RIN2: variants seen among roughly 807,000 people sequenced by gnomAD.
The protein encoded by RIN2 is RAB5 interacting protein 2.
RIN2 carries 36 observed loss-of-function variants against 78.0 expected under a neutral mutation model. The ratio of observed to expected loss-of-function variants is 0.46; its 90% CI spans 0.35 to 0.61. The LOEUF is 0.61. Ranked by LOEUF, RIN2 falls within the 20% of genes least tolerant of loss-of-function variation. RIN2 has a pLI of 0.00. For missense variants in RIN2, 1,087 were observed against 1,159.7 expected (o/e 0.94, Z 0.91); for synonymous variants, 466 against 466.8 (o/e 1.00, Z 0.02).
chr20:19,776,248 ACAT>A (rs2034305998), intron 1 of RIN2, among the ~76,000 whole-genome samples: 1 of 152,166 alleles, frequency 6.6e-6, no homozygotes, highest in Non-Finnish European at 1.5e-5. Flanking sequence ...ACCAACATTA[ACAT>A]CAACACAGAA....
At chr20:19,822,262 A>G (rs1031302396) in intron 2 of RIN2, among the ~76,000 whole-genome samples, 39 of 152,150 alleles carry the variant, frequency 2.6e-4, no homozygotes, top group African/African-American at 8.4e-4. Flanking sequence ...AGAAATGCCT[A>G]CATCTGAACA....
At chr20:19,860,432 G>T (rs1308437187) in intron 2 of RIN2, among the ~76,000 whole-genome samples, 1 of 151,920 alleles carries the variant, frequency 6.6e-6, no homozygotes, top group Non-Finnish European at 1.5e-5. Flanking sequence ...CAACTCCCCT[G>T]CTTCAGCCTC....
chr20:19,827,699 G>A (rs540502748), intron 2 of RIN2, among the ~76,000 whole-genome samples: 22 of 152,180 alleles, frequency 1.4e-4, no homozygotes, highest in African/African-American at 4.8e-4. Context: ...ATCCAGTCCC[G>A]CTTTTTAATG....
chr20:19,812,226 A>T (rs2035627328), intron 2 of RIN2, among the ~76,000 whole-genome samples: 1 of 152,156 alleles, frequency 6.6e-6, no homozygotes, highest in Non-Finnish European at 1.5e-5. Context: ...TCTTGAGTAA[A>T]TACCTATGAG....
chr20:19,866,695 G>T (rs2037518898), intron 2 of RIN2, among the ~76,000 whole-genome samples: 1 of 152,176 alleles, frequency 6.6e-6, no homozygotes, highest in South Asian at 2.1e-4. Context: ...CATGATCTCA[G>T]CTCACTGCAA....
At chr20:19,896,281 C>G (rs1568582835) in intron 3 of RIN2, among the ~76,000 whole-genome samples, 5 of 152,134 alleles carry the variant, frequency 3.3e-5, no homozygotes. Flanking sequence ...CTCCGGCTCC[C>G]AGGTTCAATC....
intron 3 of RIN2, among the ~76,000 whole-genome samples, chr20:19,902,325 G>C (rs1175682836): frequency 6.6e-6 from 1 of 152,104 alleles, no homozygotes; most frequent in African/African-American, 2.4e-5. Context: ...TGAGACTCAG[G>C]CAGTCTCTCC....
chr20:19,817,491 G>T (rs893949873), intron 2 of RIN2, among the ~76,000 whole-genome samples: 1 of 151,856 alleles, frequency 6.6e-6, no homozygotes, highest in African/African-American at 2.4e-5. Context: ...TGGGGATTCG[G>T]TTTCAATGTA....
intron 8 of RIN2, among the ~76,000 whole-genome samples, chr20:19,971,990 C>A (rs1024410733): frequency 2.6e-5 from 4 of 152,154 alleles, no homozygotes; most frequent in African/African-American, 9.7e-5. Context: ...GATCCACCCG[C>A]TTTGGTATCC....
At chr20:19,817,880 C>G (rs74799050) in intron 2 of RIN2, among the ~76,000 whole-genome samples, 3,043 of 152,282 alleles carry the variant, frequency 0.02, 82 homozygotes, top group East Asian at 0.099. Context: ...ATATACTCAT[C>G]ATCATTCATC....
intron 2 of RIN2, among the ~76,000 whole-genome samples, chr20:19,835,410 T>A (rs1005768924): frequency 1.7e-4 from 26 of 152,214 alleles, no homozygotes; most frequent in Non-Finnish European, 2.9e-5. Flanking sequence ...TCATTAAAAT[T>A]TTTTGAGGGC....
intron 2 of RIN2, among the ~76,000 whole-genome samples, chr20:19,861,557 A>ATGC (rs1213468882): frequency 6.0e-5 from 9 of 149,802 alleles, no homozygotes; most frequent in African/African-American, 2.0e-4. Flanking sequence ...TCCTTATCTG[A>ATGC]TCACCCTCCA....
intron 2 of RIN2, among the ~76,000 whole-genome samples, chr20:19,815,968 A>G (rs1039448528): frequency 6.6e-6 from 1 of 152,262 alleles, no homozygotes; most frequent in African/African-American, 2.4e-5. Flanking sequence ...GTTGAAAAAG[A>G]TAAACGTCTT....
intron 3 of RIN2, among the ~76,000 whole-genome samples, chr20:19,902,524 G>A (rs926672008): frequency 6.6e-6 from 1 of 152,152 alleles, no homozygotes; most frequent in African/African-American, 2.4e-5. Flanking sequence ...GCCACCAGGA[G>A]GACATCCTTC....
chr20:19,808,716 G>A (rs530052266), intron 2 of RIN2, among the ~76,000 whole-genome samples: 4 of 152,296 alleles, frequency 2.6e-5, no homozygotes, highest in South Asian at 2.1e-4. Flanking sequence ...CTGGAGCCAC[G>A]GAAGGCCTGC....
intron 1 of RIN2, among the ~76,000 whole-genome samples, chr20:19,763,308 A>G (rs1428229553): frequency 6.6e-6 from 1 of 152,130 alleles, no homozygotes; most frequent in Non-Finnish European, 1.5e-5. Flanking sequence ...GAATCCCCTG[A>G]ACCCGGGAGG....
intron 6 of RIN2, 44 bp downstream of exon 6, chr20:19,960,855 G>T: frequency 8.0e-7 from 1 of 1,257,224 alleles, no homozygotes; most frequent in African/African-American, 1.5e-5. Context: ...ACAGGGCCAC[G>T]GGGCTCTGCA....
Position 19,960,765 on chromosome 20 carries a change from A to T in RIN2, c.417A>T (p.Glu139Asp). The T allele has an allele frequency of 6.2e-7, 1 of 1,604,558 alleles. No homozygotes were observed. The highest frequency in any genetic ancestry group is 8.5e-7 in the Non-Finnish European group (1 of 1,175,664). The part of the protein sequence containing the change: ...KKVLSLRLPC[E>D]FGAPLKEFAI... ...TCCTCTCCCTCCGCCTGCCCTGTGA[A>T]TTTGGGGCCCCACTCAAGGAATTTG... The change falls in exon 6 of 13, where the codon GAA becomes GAT. Residue 139 changes from glutamate (E) to aspartate (D), a missense_variant. Physicochemically the swap from Glu to Asp is conservative, Grantham distance 45. This residue lies in a region of RIN2 where 706 missense variants were observed against 667.5 expected (regional missense o/e 1.06). Transcript: ENST00000255006.
intron 2 of RIN2, among the ~76,000 whole-genome samples, chr20:19,878,780 G>A (rs955374677): frequency 2.0e-5 from 3 of 152,024 alleles, no homozygotes; most frequent in South Asian, 2.1e-4. Context: ...TCGACCCTCC[G>A]TGCTTTACTG....
Sources: gnomAD v4.1 joint callset for allele counts (sites outside exome capture counted in the v4.1 genomes callset) on GRCh38, gnomAD v4.1.1 for gene constraint, gnomAD v4.1.1 regional missense constraint, MANE v1.5 for transcripts, NCBI Gene and HGNC (gene_info 2026-07-23, HGNC 2026-07-21) for gene names.